Variants in PIK3R3 observed in about 807,000 individuals in gnomAD.
The protein encoded by PIK3R3 is phosphatidylinositol 3-kinase regulatory subunit gamma.
Under a neutral mutation model 62.9 loss-of-function variants are expected in PIK3R3, and 64 were observed. The observed-to-expected ratio is 1.02, with a 90% CI of 0.83 to 1.25. The LOEUF is 1.25. Among genes scored for constraint, PIK3R3 ranks in the 50% most tolerant of loss-of-function variants. The probability of loss-of-function intolerance (pLI) is 0.00; values close to 1 mark genes in which losing one functional copy is unlikely to be tolerated. For synonymous variants in PIK3R3, 165 were observed against 189.0 expected (o/e 0.87, Z 1.04); for missense variants, 614 against 561.6 (o/e 1.09, Z -0.94).
the PIK3R3 span, among the ~76,000 whole-genome samples, chr1:46,165,466 T>C: frequency 1.3e-5 from 2 of 151,644 alleles, no homozygotes; most frequent in East Asian, 3.9e-4. Flanking sequence ...CCACCATGCC[T>C]GGCTAATTTT....
the PIK3R3 span, among the ~76,000 whole-genome samples, chr1:46,146,917 G>C: frequency 6.6e-6 from 1 of 152,096 alleles, no homozygotes; most frequent in Admixed American, 6.5e-5. Flanking sequence ...AGTGGCCTGA[G>C]TATACCAGTG....
At chr1:46,161,537 C>A in the PIK3R3 span, among the ~76,000 whole-genome samples, 1 of 152,148 alleles carries the variant, frequency 6.6e-6, no homozygotes, top group Non-Finnish European at 1.5e-5. Flanking sequence ...ATATTTTGAT[C>A]CTCTGATCCA....
the PIK3R3 span, among the ~76,000 whole-genome samples, chr1:46,173,694 AGG>A: frequency 3.2e-3 from 491 of 152,272 alleles, 2 homozygotes; most frequent in Middle Eastern, 0.01. Flanking sequence ...AGGAACCTGA[AGG>A]GGGAGGGGCA....
At chr1:46,128,587 A>AG (rs1655294055) in intron 1 of PIK3R3, among the ~76,000 whole-genome samples, 1 of 152,258 alleles carries the variant, frequency 6.6e-6, no homozygotes, top group Non-Finnish European at 1.5e-5. Context: ...TTAAGTAGAA[A>AG]GGCACCTAAA....
At chr1:46,046,495 G>GC in intron 8 of PIK3R3, 56 bp downstream of exon 8, 1 of 1,098,516 alleles carries the variant, frequency 9.1e-7, no homozygotes. Flanking sequence ...TAAACAAGGC[G>GC]CATGTCTTAT....
At chr1:46,123,176 A>C (rs1479343994) in intron 1 of PIK3R3, among the ~76,000 whole-genome samples, 2 of 152,254 alleles carry the variant, frequency 1.3e-5, no homozygotes, top group Admixed American at 1.3e-4. Context: ...AATTATCATA[A>C]TATAACACAT....
At chr1:46,158,997 G>C in the PIK3R3 span, among the ~76,000 whole-genome samples, 1 of 152,096 alleles carries the variant, frequency 6.6e-6, no homozygotes, top group Non-Finnish European at 1.5e-5. Flanking sequence ...TGAGGCAGGA[G>C]AATTGCTTGA....
intron 7 of PIK3R3, among the ~76,000 whole-genome samples, chr1:46,051,535 A>G (rs531272433): frequency 1.3e-5 from 2 of 152,238 alleles, no homozygotes; most frequent in South Asian, 4.1e-4. Context: ...TGCTGGGATT[A>G]CAGGTGTGAG....
At chr1:46,098,826 A>C (rs1293281207) in intron 1 of PIK3R3, among the ~76,000 whole-genome samples, 1 of 152,138 alleles carries the variant, frequency 6.6e-6, no homozygotes, top group Non-Finnish European at 1.5e-5. Context: ...TTGGCCTTCC[A>C]AGTAACTGGG....
chr1:46,144,435 T>C, the PIK3R3 span, among the ~76,000 whole-genome samples: 1 of 152,142 alleles, frequency 6.6e-6, no homozygotes, highest in Non-Finnish European at 1.5e-5. Flanking sequence ...TATGTCAAAA[T>C]ACTTGAAAGT....
chr1:46,111,444 A>G (rs1041030419), intron 1 of PIK3R3, among the ~76,000 whole-genome samples: 2 of 152,004 alleles, frequency 1.3e-5, no homozygotes, highest in Non-Finnish European at 2.9e-5. Flanking sequence ...GGCATGTTTT[A>G]GGCTCCATGC....
chr1:46,066,348 C>T (rs996244889), intron 4 of PIK3R3, among the ~76,000 whole-genome samples, 169 bp from the exon 5 acceptor site: 1 of 151,954 alleles, frequency 6.6e-6, no homozygotes, highest in African/African-American at 2.4e-5. Flanking sequence ...ACAAATGTAC[C>T]AAATCCTTTG....
At chr1:46,137,494 C>G (rs746634121), upstream of PIK3R3, among the ~76,000 whole-genome samples, 11 of 152,228 alleles carry the variant, frequency 7.2e-5, no homozygotes, top group African/African-American at 2.2e-4. Context: ...TCCTTTACTT[C>G]TCAGTTTTCG....
intron 6 of PIK3R3, 115 bp downstream of exon 6, chr1:46,061,814 T>C: frequency 2.2e-6 from 2 of 925,988 alleles, no homozygotes; most frequent in Non-Finnish European, 3.4e-6. Context: ...CAGCAAGTGG[T>C]TCCAATAGTA....
the PIK3R3 span, among the ~76,000 whole-genome samples, chr1:46,171,962 A>T: frequency 2.6e-5 from 4 of 152,188 alleles, no homozygotes; most frequent in African/African-American, 9.7e-5. Context: ...GCTGCCTCCC[A>T]GGAGCAGCCT....
intron 1 of PIK3R3, chr1:46,131,622 A>AC: frequency 1.9e-4 from 20 of 107,118 alleles, no homozygotes; most frequent in South Asian, 5.2e-4. Flanking sequence ...TCCCACCCCC[A>AC]CTTCCAGCCC....
At chr1:46,140,015 G>A in the PIK3R3 span, among the ~76,000 whole-genome samples, 8 of 152,210 alleles carry the variant, frequency 5.3e-5, no homozygotes, top group South Asian at 6.2e-4. Flanking sequence ...GAGGAATGGC[G>A]TCTCGCTCTG....
chr1:46,157,101 A>T, the PIK3R3 span, among the ~76,000 whole-genome samples: 1 of 152,222 alleles, frequency 6.6e-6, no homozygotes, highest in Non-Finnish European at 1.5e-5. Flanking sequence ...TCAGGCAACT[A>T]GAATCATAAA....
chr1:46,164,002 G>A, the PIK3R3 span, among the ~76,000 whole-genome samples: 1 of 152,114 alleles, frequency 6.6e-6, no homozygotes, highest in East Asian at 1.9e-4. Flanking sequence ...GGTAGCAGGG[G>A]CACCCCCTAC....
Sources: gnomAD v4.1 joint callset for allele counts (sites outside exome capture counted in the v4.1 genomes callset) on GRCh38, gnomAD v4.1.1 for gene constraint, MANE v1.5 for transcripts, NCBI Gene and HGNC (gene_info 2026-07-23, HGNC 2026-07-21) for gene names.